VPS36: variants seen among roughly 807,000 people sequenced by gnomAD.
The protein encoded by VPS36 is vacuolar protein sorting 36 homolog, also known as vacuolar protein-sorting-associated protein 36.
VPS36 carries 31 observed loss-of-function variants against 63.5 expected under a neutral mutation model. The ratio of observed to expected loss-of-function variants is 0.49; its 90% CI spans 0.37 to 0.66. The LOEUF is 0.66. Among genes scored for constraint, VPS36 ranks in the 30% least tolerant of loss-of-function variants. VPS36 has a pLI of 0.00. For missense variants in VPS36, 338 were observed against 463.7 expected (o/e 0.73, Z 2.49); for synonymous variants, 138 against 157.2 (o/e 0.88, Z 0.91).
intron 5 of VPS36, 40 bp from the exon 6 acceptor site, chr13:52,433,788 A>T: frequency 1.3e-6 from 2 of 1,556,104 alleles, no homozygotes; most frequent in Non-Finnish European, 1.7e-6. Flanking sequence ...CATACAAAAT[A>T]GGAAGGAAAC....
intron 11 of VPS36, among the ~76,000 whole-genome samples, chr13:52,417,652 G>A (rs529598635): frequency 2.0e-5 from 3 of 152,272 alleles, no homozygotes; most frequent in East Asian, 1.9e-4. Flanking sequence ...GAGCCACCAC[G>A]CCCAGCCACC....
chr13:52,448,823 C>T (rs1958370530), intron 1 of VPS36, among the ~76,000 whole-genome samples: 1 of 152,160 alleles, frequency 6.6e-6, no homozygotes, highest in Admixed American at 6.5e-5. Flanking sequence ...TCCTAGTGCT[C>T]CCTCAGGGAG....
chr13:52,421,654 T>A (rs992883460), intron 10 of VPS36, among the ~76,000 whole-genome samples: 1 of 151,684 alleles, frequency 6.6e-6, no homozygotes, highest in Non-Finnish European at 1.5e-5. Flanking sequence ...CCTGAGTAGC[T>A]GGGATTACAG....
At position 52,414,969 on chromosome 13, in the gene VPS36, G is replaced by A. The variant is rs1957980464; in HGVS notation, c.*861C>T. ...AATATGATAGACTTTTTAAAGTTCAGTGTTGAAACTCCTTATGGAAAAGAA... is the reference window on the plus strand; with the variant it reads ...AATATGATAGACTTTTTAAAGTTCAATGTTGAAACTCCTTATGGAAAAGAA... On this transcript the variant is annotated 3_prime_UTR_variant, in exon 14 of 14. Coordinates refer to ENST00000378060, the MANE Select transcript of VPS36 (RefSeq NM_016075.4). 1 of 152,198 alleles carries A rather than the reference G, an allele frequency of 6.6e-6. No individual in the cohort carries two copies. The highest frequency in any genetic ancestry group is 2.1e-4 in the South Asian group (1 of 4,832). 9.4% of individuals were successfully genotyped at this position (152,198 alleles called of 1,614,324 possible). A position where few individuals can be genotyped will look rare whatever the true frequency, so the allele number is the denominator to read the frequency against.
Position 52,416,113 on chromosome 13 carries a change from GA to G in VPS36, c.991-21del. 3.1e-6 allele frequency: 5 copies of G among 1,604,096 alleles called. No homozygotes were observed. Among genetic ancestry groups the G allele is most frequent in the Admixed American group, 1.7e-5 (1 of 57,648 alleles). ...TGAAACCTAATAGAAACACACAGCAGAAAAAAAATGTAATTAATTTAGGACA... is the reference window on the plus strand; with the variant it reads ...TGAAACCTAATAGAAACACACAGCAGAAAAAAATGTAATTAATTTAGGACA... On this transcript the variant is annotated intron_variant, in intron 12 of 13. Coordinates refer to ENST00000378060, the MANE Select transcript of VPS36 (RefSeq NM_016075.4).
At chr13:52,441,578 C>G (rs1030694341) in intron 2 of VPS36, among the ~76,000 whole-genome samples, 2 of 152,138 alleles carry the variant, frequency 1.3e-5, no homozygotes, top group Admixed American at 6.6e-5. Flanking sequence ...TGGCTAAACC[C>G]CGTCTCTACT....
intron 6 of VPS36, among the ~76,000 whole-genome samples, chr13:52,431,809 A>T (rs1456321003): frequency 6.6e-6 from 1 of 151,350 alleles, no homozygotes; most frequent in Non-Finnish European, 1.5e-5. Flanking sequence ...AGTTTCTCAG[A>T]TAAATGGTTG....
At chr13:52,446,357 C>G (rs1249381317) in intron 1 of VPS36, among the ~76,000 whole-genome samples, 1 of 151,990 alleles carries the variant, frequency 6.6e-6, no homozygotes, top group African/African-American at 2.4e-5. Context: ...AATCCAAGCA[C>G]ATACATGTTA....
intron 10 of VPS36, among the ~76,000 whole-genome samples, chr13:52,422,126 A>G (rs1301126535): frequency 2.0e-4 from 31 of 151,852 alleles, no homozygotes; most frequent in Admixed American, 2.0e-3. Context: ...CCACTTATAC[A>G]CCTTTCCCAG....
chr13:52,423,309 G>A (rs60059621), intron 10 of VPS36, among the ~76,000 whole-genome samples: 1 of 151,976 alleles, frequency 6.6e-6, no homozygotes, highest in Non-Finnish European at 1.5e-5. Flanking sequence ...GTTTTGAATA[G>A]CAAAAAATAA....
chr13:52,441,519 G>A (rs1158151504), intron 2 of VPS36, among the ~76,000 whole-genome samples: 5 of 152,180 alleles, frequency 3.3e-5, no homozygotes, highest in African/African-American at 4.8e-5. Flanking sequence ...TTGGGAGGCC[G>A]AGGTGGGCAG....
chr13:52,432,195 CA>C (rs1289528092), intron 6 of VPS36, among the ~76,000 whole-genome samples: 7 of 151,890 alleles, frequency 4.6e-5, no homozygotes, highest in Non-Finnish European at 7.4e-5. Flanking sequence ...ACTAAAAATA[CA>C]AAAAATTAGC....
chr13:52,447,586 G>A (rs533777832), intron 1 of VPS36, among the ~76,000 whole-genome samples: 9 of 152,260 alleles, frequency 5.9e-5, no homozygotes, highest in Non-Finnish European at 1.2e-4. Context: ...ATTCATAAGA[G>A]GCACTTGGGC....
chr13:52,427,286 C>G, intron 6 of VPS36, 67 bp from the exon 7 acceptor site: 1 of 1,547,318 alleles, frequency 6.5e-7, no homozygotes, highest in Non-Finnish European at 8.9e-7. Context: ...AAAAATGAAG[C>G]ACCCTCTATT....
intron 3 of VPS36, 109 bp downstream of exon 3, chr13:52,438,989 C>G: frequency 1.1e-6 from 1 of 926,454 alleles, no homozygotes; most frequent in African/African-American, 1.6e-5. Flanking sequence ...TAGCTTTATT[C>G]ATGCTTTAAG....
intron 6 of VPS36, among the ~76,000 whole-genome samples, chr13:52,433,162 G>T (rs576611786): frequency 1.3e-5 from 2 of 152,166 alleles, no homozygotes; most frequent in African/African-American, 4.8e-5. Context: ...TGAAGCCTCA[G>T]AAACACTGGA....
chr13:52,446,703 GAAAT>G (rs2137813134), intron 1 of VPS36, among the ~76,000 whole-genome samples: 1 of 151,950 alleles, frequency 6.6e-6, no homozygotes, highest in Non-Finnish European at 1.5e-5. Context: ...AAAAGAAAAT[GAAAT>G]AATAACTCAT....
intron 2 of VPS36, among the ~76,000 whole-genome samples, chr13:52,439,457 T>TA (rs1349473681): frequency 6.6e-6 from 1 of 152,020 alleles, no homozygotes; most frequent in Non-Finnish European, 1.5e-5. Flanking sequence ...TTAATTTATT[T>TA]TTTTTTGAGG....
Position 52,434,791 on chromosome 13 carries a change from A to T in VPS36, c.441+2T>A. 1 of 1,611,648 alleles carries T rather than the reference A, an allele frequency of 6.2e-7. No homozygotes were observed. On this transcript the variant is annotated splice_donor_variant, in intron 5 of 13. Coordinates refer to ENST00000378060, the MANE Select transcript of VPS36 (RefSeq NM_016075.4). LOFTEE classifies it high-confidence loss of function. Reference sequence around the variant, plus strand: ...TGGATTAGCAAATAGTTTTAAAAATACCTGGGGTCCTCTATTTGTTTGTAA... The same window carrying T: ...TGGATTAGCAAATAGTTTTAAAAATTCCTGGGGTCCTCTATTTGTTTGTAA...
Sources: gnomAD v4.1 joint callset for allele counts (sites outside exome capture counted in the v4.1 genomes callset) on GRCh38, gnomAD v4.1.1 for gene constraint, MANE v1.5 for transcripts, NCBI Gene and HGNC (gene_info 2026-07-23, HGNC 2026-07-21) for gene names.